CMTR1: variants seen among roughly 807,000 people sequenced by gnomAD.
The protein encoded by CMTR1 is cap methyltransferase 1.
A neutral mutation model predicts 107.0 loss-of-function variants in CMTR1; 39 were observed. That is an observed-to-expected ratio of 0.36 (90% CI 0.28 to 0.48). CMTR1 has a LOEUF of 0.48. Among genes scored for constraint, CMTR1 ranks in the 20% least tolerant of loss-of-function variants. The pLI, the probability that CMTR1 is intolerant of heterozygous loss-of-function variation, is 0.99. For missense variants in CMTR1, 672 were observed against 1,064.9 expected (o/e 0.63, Z 5.14); for synonymous variants, 366 against 379.5 (o/e 0.96, Z 0.41).
At chr6:37,473,052 G>A (rs1369905831) in intron 16 of CMTR1, among the ~76,000 whole-genome samples, 1 of 152,170 alleles carries the variant, frequency 6.6e-6, no homozygotes. Context: ...TAGAGACTGA[G>A]GTTCAAGATG....
chr6:37,446,256 C>T, intron 3 of CMTR1, 35 bp from the exon 4 acceptor site: 1 of 1,608,224 alleles, frequency 6.2e-7, no homozygotes, highest in South Asian at 1.1e-5. Flanking sequence ...TCTGTTGAAC[C>T]TAATTAATTG....
In CMTR1 at chr6:37,458,915, G is replaced by A. The variant is rs1761350199; in HGVS notation, c.976+105G>A. The A allele has an allele frequency of 9.5e-7, 1 of 1,052,624 alleles. No individual in the cohort carries two copies. Among genetic ancestry groups the A allele is most frequent in the Non-Finnish European group, 1.4e-6 (1 of 720,092 alleles). The allele number at this position is 1,052,624 out of a possible 1,614,324, so 65.2% of individuals were successfully genotyped here. A position where few individuals can be genotyped will look rare whatever the true frequency, so the allele number is the denominator to read the frequency against. ...CCACATGCCATATTTTCTTTCCTAG[G>A]TCTCTTACCCTGGGCTTCACAGTTC... On this transcript the variant is annotated intron_variant, in intron 9 of 23. Transcript: ENST00000373451. The surrounding 1 kb of genome is among the most constrained non-coding windows in gnomAD (Gnocchi z 4.7).
At chr6:37,434,245 G>T (rs1359042463) in intron 1 of CMTR1, among the ~76,000 whole-genome samples, 1 of 152,162 alleles carries the variant, frequency 6.6e-6, no homozygotes, top group Non-Finnish European at 1.5e-5. Context: ...GAAGGTGGCG[G>T]TTGTGCATTG....
At chr6:37,471,964 G>T (rs1337620505) in intron 15 of CMTR1, 60 bp downstream of exon 15, 2 of 1,500,564 alleles carry the variant, frequency 1.3e-6, no homozygotes, top group Non-Finnish European at 1.8e-6. Context: ...GAAGAATGGG[G>T]TTGACTCCCA....
chr6:37,461,714 C>T, intron 11 of CMTR1, 69 bp downstream of exon 11: 1 of 1,097,682 alleles, frequency 9.1e-7, no homozygotes, highest in Admixed American at 2.3e-5. Context: ...AGAACATGTA[C>T]AAGGGGTTGG....
At chr6:37,434,012 C>G (rs936188237) in intron 1 of CMTR1, among the ~76,000 whole-genome samples, 3 of 152,208 alleles carry the variant, frequency 2.0e-5, no homozygotes, top group Non-Finnish European at 4.4e-5. Flanking sequence ...AGTCTCCCCC[C>G]GAGTCACTTA....
intron 5 of CMTR1, among the ~76,000 whole-genome samples, chr6:37,451,222 G>A (rs144711678): frequency 3.3e-5 from 5 of 151,764 alleles, no homozygotes; most frequent in African/African-American, 7.3e-5. Context: ...TATCTATCCC[G>A]CATAAACAAA....
chr6:37,459,499 C>A, intron 9 of CMTR1, 67 bp from the exon 10 acceptor site: 2 of 1,333,760 alleles, frequency 1.5e-6, no homozygotes, highest in Non-Finnish European at 2.2e-6. Context: ...TGACCCAGAG[C>A]ACTCGTGTCC....
the CMTR1 span, among the ~76,000 whole-genome samples, chr6:37,428,057 A>G: frequency 0.015 from 2,206 of 142,918 alleles, 12 homozygotes; most frequent in African/African-American, 0.037. Flanking sequence ...AGAGAGAGAG[A>G]GAGAAACTCT....
In CMTR1 at chr6:37,447,157, T is replaced by G. The variant is rs561415748; in HGVS notation, c.444+708T>G. Among the ~76,000 whole-genome samples, 7 of 152,302 alleles carry G rather than the reference T, an allele frequency of 4.6e-5. No homozygotes were observed. In the South Asian group the frequency reaches 1.2e-3, roughly 27 times the overall value. ...ATTACAGAGTTGAAACTAGAGAAAA[T>G]GGAACTCAAACATCTAGCTTTCTGC... On this transcript the variant is annotated intron_variant, in intron 4 of 23. Coordinates refer to ENST00000373451, the MANE Select transcript of CMTR1 (RefSeq NM_015050.3).
chr6:37,479,642 C>G (rs1018035034), intron 23 of CMTR1, among the ~76,000 whole-genome samples: 1 of 152,228 alleles, frequency 6.6e-6, no homozygotes, highest in Non-Finnish European at 1.5e-5. Context: ...CTCATTAGGA[C>G]CCGGTGTCCA....
upstream of CMTR1, among the ~76,000 whole-genome samples, chr6:37,432,143 A>G (rs1377656422): frequency 6.6e-6 from 1 of 152,132 alleles, no homozygotes; most frequent in Non-Finnish European, 1.5e-5. Context: ...TGATAAACTG[A>G]GAAGAGTCAG....
rs560771848 is a variant in CMTR1, at chr6:37,479,461, C to T, written c.2375+206C>T. On this transcript the variant is annotated intron_variant, in intron 23 of 23. Coordinates refer to ENST00000373451, the MANE Select transcript of CMTR1 (RefSeq NM_015050.3). ...CTGGGTAGAGCTGGTGAGGGAAGCA[C>T]GATGCCTGGACCTGCTAATGGTTAC... 5.9e-5 allele frequency among the ~76,000 whole-genome samples: 9 copies of T among 152,330 alleles called. No individual in the cohort carries two copies. The East Asian group carries it at 9.7e-4, about 16-fold the overall frequency.
rs757172116 is a variant in CMTR1 at position 37,471,061 on chromosome 6, G to T, written c.1546G>T (p.Ala516Ser). Residue 516 changes from alanine (A) to serine (S), a missense_variant, in exon 14 of 24, where the codon GCC becomes TCC. Physicochemically the swap from Ala to Ser is moderately conservative, Grantham distance 99. Coordinates refer to ENST00000373451, the MANE Select transcript of CMTR1 (RefSeq NM_015050.3). ...LQIKALAKIH[A>S]FVQDTTLSEP... The stretch of plus-strand genomic sequence containing the variant: ...GATCAAAGCTCTGGCGAAAATCCAT[G>T]CCTTTGTTCAAGACACGTGAGTGTT... The T allele has an allele frequency of 6.8e-6, 11 of 1,606,448 alleles. No individual in the cohort carries two copies. In the South Asian group the frequency reaches 1.2e-4, roughly 18 times the overall value.
intron 5 of CMTR1, 65 bp from the exon 6 acceptor site, chr6:37,451,741 C>A (rs1761176047): frequency 8.1e-7 from 1 of 1,235,706 alleles, no homozygotes; most frequent in African/African-American, 1.5e-5. Flanking sequence ...ACCCTAATTT[C>A]TTCATTCATC....
In CMTR1 at chr6:37,480,053, G is replaced by A; in HGVS notation, c.2416G>A (p.Gly806Ser). Residue 806 changes from glycine (G) to serine (S), a missense_variant, in exon 24 of 24, where the codon GGC becomes AGC. By Grantham distance (56) the Gly-to-Ser change is moderately conservative. Around this residue, in one of 2 missense-constraint regions of CMTR1, gnomAD observed 583 missense variants for 968.4 expected, o/e 0.60. Coordinates refer to ENST00000373451, the MANE Select transcript of CMTR1 (RefSeq NM_015050.3). ...YGRLFWEWGD[G>S]IRVHDSQKPQ... Reference sequence around the variant, plus strand: ...CCGGCTCTTCTGGGAGTGGGGGGATGGCATTCGTGTGCATGACTCCCAGAA... The same window carrying A: ...CCGGCTCTTCTGGGAGTGGGGGGATAGCATTCGTGTGCATGACTCCCAGAA... The A allele has an allele frequency of 6.3e-7, 1 of 1,581,930 alleles. No homozygotes were observed. The highest frequency in any genetic ancestry group is 8.6e-7 in the Non-Finnish European group (1 of 1,168,348).
At chr6:37,428,008 CAGAGAG>C in the CMTR1 span, among the ~76,000 whole-genome samples, 10,695 of 114,594 alleles carry the variant, frequency 0.093, 310 homozygotes, top group Middle Eastern at 0.2. Context: ...GCAACAGAGA[CAGAGAG>C]AGAGAGAGAG....
At chr6:37,448,525 A>G (rs1771858853) in intron 4 of CMTR1, among the ~76,000 whole-genome samples, 2 of 152,256 alleles carry the variant, frequency 1.3e-5, no homozygotes, top group South Asian at 4.1e-4. Context: ...TAAACATGAT[A>G]GATTTGACCA....
At chr6:37,456,592 T>G (rs1271493967) in intron 8 of CMTR1, among the ~76,000 whole-genome samples, 1 of 152,192 alleles carries the variant, frequency 6.6e-6, no homozygotes, top group Non-Finnish European at 1.5e-5. Context: ...CCCTAAAGCT[T>G]TCTGATCGTT....
Sources: allele counts gnomAD v4.1 joint callset (sites outside exome capture counted in the v4.1 genomes callset), GRCh38; gene constraint gnomAD v4.1.1; regional missense constraint gnomAD v4.1.1; non-coding constraint Gnocchi (gnomAD v3.1); transcripts MANE v1.5; gene names NCBI Gene and HGNC (gene_info 2026-07-23, HGNC 2026-07-21).